IMMP2L: variants seen among roughly 807,000 people sequenced by gnomAD.
IMMP2L encodes the protein inner mitochondrial membrane peptidase subunit 2, also known as mitochondrial inner membrane protease subunit 2.
In IMMP2L, 18 loss-of-function variants were observed where a neutral mutation model predicts 19.3. That is an observed-to-expected ratio of 0.93 (90% CI 0.64 to 1.38). The LOEUF (loss-of-function observed/expected upper bound fraction) is 1.38, where lower values mean the gene tolerates loss of function less well. Among genes scored for constraint, IMMP2L ranks in the 40% most tolerant of loss-of-function variants. IMMP2L has a pLI of 0.00. For missense variants in IMMP2L, 233 were observed against 218.2 expected (o/e 1.07, Z -0.43); for synonymous variants, 76 against 73.0 (o/e 1.04, Z -0.21).
chr7:111,039,648 G>T (rs1409347428), intron 3 of IMMP2L, among the ~76,000 whole-genome samples: 1 of 152,176 alleles, frequency 6.6e-6, no homozygotes, highest in East Asian at 1.9e-4. Flanking sequence ...CATGGTAGTG[G>T]TTTTTTTAAA....
chr7:111,085,381 T>G (rs1475517740), intron 3 of IMMP2L, among the ~76,000 whole-genome samples: 1 of 152,196 alleles, frequency 6.6e-6, no homozygotes, highest in Non-Finnish European at 1.5e-5. Flanking sequence ...AAAGTGTTCC[T>G]TTTTCTCCAC....
intron 5 of IMMP2L, among the ~76,000 whole-genome samples, chr7:110,699,922 G>A (rs941783308): frequency 6.6e-6 from 1 of 152,084 alleles, no homozygotes; most frequent in African/African-American, 2.4e-5. Flanking sequence ...AAGACCTAAA[G>A]GCAGTCTCTA....
chr7:111,521,794 G>T (rs1225858220), intron 1 of IMMP2L, among the ~76,000 whole-genome samples: 1 of 152,054 alleles, frequency 6.6e-6, no homozygotes, highest in African/African-American at 2.4e-5. Context: ...CCTGATATCT[G>T]TTCTCTTCTA....
At chr7:110,664,378 A>T (rs1195864833) in intron 5 of IMMP2L, among the ~76,000 whole-genome samples, 2 of 152,064 alleles carry the variant, frequency 1.3e-5, no homozygotes, top group African/African-American at 4.8e-5. Context: ...GTGGAAAACA[A>T]AGAGAAAGCA....
Position 111,480,597 on chromosome 7 carries a change from CAAAAAAAAAAA to C in IMMP2L, c.239+6630_239+6640del, listed in dbSNP as rs925037556. On this transcript the variant is annotated intron_variant, in intron 3 of 5. Coordinates refer to ENST00000405709, the MANE Select transcript of IMMP2L (RefSeq NM_032549.4). ...ATTTCCCTCCCCAGCATTTTACTGT[CAAAAAAAAAAA>C]AAAAAAAAAAAAAACTGGAAACCTA... Among the ~76,000 whole-genome samples the C allele has an allele frequency of 6.6e-3, 363 of 55,076 alleles. 3 individuals are homozygous for C. The highest frequency in any genetic ancestry group is 0.017 in the African/African-American group (334 of 20,196). The allele number at this position is 55,076 out of a possible 152,430, so 36.1% of individuals were successfully genotyped here. A position where few individuals can be genotyped will look rare whatever the true frequency, so the allele number is the denominator to read the frequency against.
chr7:111,115,324 A>T (rs2129585253), intron 3 of IMMP2L, among the ~76,000 whole-genome samples: 1 of 152,314 alleles, frequency 6.6e-6, no homozygotes, highest in African/African-American at 2.4e-5. Flanking sequence ...TTGTTTTACT[A>T]ATCATGTACA....
intron 1 of IMMP2L, among the ~76,000 whole-genome samples, chr7:111,557,718 G>A (rs1184978683): frequency 6.6e-6 from 1 of 152,084 alleles, no homozygotes; most frequent in Non-Finnish European, 1.5e-5. Flanking sequence ...TAGTCCTACA[G>A]ACTATAAGAT....
At chr7:110,843,114 C>G (rs1043368971) in intron 5 of IMMP2L, among the ~76,000 whole-genome samples, 3 of 108,650 alleles carry the variant, frequency 2.8e-5, no homozygotes, top group Non-Finnish European at 3.9e-5. Context: ...TGAGGAGTAA[C>G]AACGACGACA....
Position 110,813,782 on chromosome 7 carries a change from A to G in IMMP2L, c.408+72811T>C, listed in dbSNP as rs1049708646. ...TTTTACTTTCTATAAATACTGTCCT[A>G]GACTAATTTAATATTTATTAACTCT... On this transcript the variant is annotated intron_variant, in intron 5 of 5. Transcript: ENST00000405709. Among the ~76,000 whole-genome samples the G allele has an allele frequency of 4.0e-5, 6 of 151,526 alleles. No individual in the cohort carries two copies. The South Asian group carries it at 8.3e-4, about 21-fold the overall frequency.
At chr7:111,009,011 G>A (rs543390964) in intron 3 of IMMP2L, among the ~76,000 whole-genome samples, 82 of 152,084 alleles carry the variant, frequency 5.4e-4, no homozygotes, top group African/African-American at 1.9e-3. Context: ...TTTAAATTTT[G>A]TGTCCTATAT....
chr7:111,030,882 GTGTATA>G (rs1184415551), intron 3 of IMMP2L, among the ~76,000 whole-genome samples: 24 of 50,768 alleles, frequency 4.7e-4, no homozygotes, highest in East Asian at 4.2e-3. Flanking sequence ...GTGTGTGTGT[GTGTATA>G]TATATATATA....
At chr7:111,347,603 G>A (rs1827702656) in intron 3 of IMMP2L, among the ~76,000 whole-genome samples, 1 of 151,994 alleles carries the variant, frequency 6.6e-6, no homozygotes, top group Non-Finnish European at 1.5e-5. Context: ...TAGGAAAGAG[G>A]GAAGGATGGC....
At position 110,934,942 on chromosome 7, in the gene IMMP2L, C is replaced by A. The variant is rs1815915514; in HGVS notation, c.305+28558G>T. Among the ~76,000 whole-genome samples, 3 of 152,284 alleles carry A rather than the reference C, an allele frequency of 2.0e-5. No homozygotes were observed. In the South Asian group the frequency reaches 6.2e-4, roughly 32 times the overall value. ...TATAGCACACTGATAAGTCTTGACTCTTTATCCAATTTGCCAGTCTGTGTC... is the reference window on the plus strand; with the variant it reads ...TATAGCACACTGATAAGTCTTGACTATTTATCCAATTTGCCAGTCTGTGTC... On this transcript the variant is annotated intron_variant, in intron 4 of 5. Transcript: ENST00000405709.
At position 111,516,546 on chromosome 7, in the gene IMMP2L, A is replaced by G. The variant is rs556600077; in HGVS notation, c.135+4767T>C. On this transcript the variant is annotated intron_variant, in intron 2 of 5. Coordinates refer to ENST00000405709, the MANE Select transcript of IMMP2L (RefSeq NM_032549.4). ...TTTTAAAAAGTGTAATAAAGTTGGT[A>G]TTTAAATAACAGATATAACCCTGGC... 5.9e-5 allele frequency among the ~76,000 whole-genome samples: 9 copies of G among 152,254 alleles called. No homozygotes were observed. In the South Asian group the frequency reaches 1.9e-3, roughly 32 times the overall value.
At chr7:110,984,487 G>A (rs896770327) in intron 3 of IMMP2L, among the ~76,000 whole-genome samples, 6 of 151,994 alleles carry the variant, frequency 3.9e-5, no homozygotes, top group Admixed American at 2.0e-4. Flanking sequence ...AATAATTTAC[G>A]TTGCATAAGA....
intron 3 of IMMP2L, among the ~76,000 whole-genome samples, chr7:111,478,410 G>C (rs1316700106): frequency 6.6e-6 from 1 of 151,602 alleles, no homozygotes; most frequent in Non-Finnish European, 1.5e-5. Flanking sequence ...TCTGTTTTTG[G>C]AGAGAGGGTC....
chr7:111,253,920 G>A (rs1053283572), intron 3 of IMMP2L, among the ~76,000 whole-genome samples: 5 of 152,052 alleles, frequency 3.3e-5, no homozygotes, highest in Non-Finnish European at 7.4e-5. Flanking sequence ...AGAATTCTTA[G>A]GTGAAACATA....
intron 4 of IMMP2L, among the ~76,000 whole-genome samples, chr7:110,891,348 C>T (rs76006236): frequency 0.02 from 3,044 of 152,276 alleles, 95 homozygotes; most frequent in African/African-American, 0.07. Context: ...ATCCACCTTC[C>T]GCTCTCAAGT....
At chr7:111,341,119 A>T (rs190380204) in intron 3 of IMMP2L, among the ~76,000 whole-genome samples, 1 of 152,158 alleles carries the variant, frequency 6.6e-6, no homozygotes, top group Non-Finnish European at 1.5e-5. Flanking sequence ...TACATTCTGC[A>T]GCAATGAATT....
Sources: allele counts gnomAD v4.1 joint callset (sites outside exome capture counted in the v4.1 genomes callset), GRCh38; gene constraint gnomAD v4.1.1; transcripts MANE v1.5; gene names NCBI Gene and HGNC (gene_info 2026-07-23, HGNC 2026-07-21).